MYO16: variants seen among roughly 807,000 people sequenced by gnomAD.
MYO16 encodes the protein unconventional myosin-XVI.
MYO16 carries 94 observed loss-of-function variants against 205.3 expected under a neutral mutation model. The ratio of observed to expected loss-of-function variants is 0.46; its 90% CI spans 0.39 to 0.54. The LOEUF (loss-of-function observed/expected upper bound fraction) is 0.54, where lower values mean the gene tolerates loss of function less well. Ranked by LOEUF, MYO16 falls within the 20% of genes least tolerant of loss-of-function variation. The pLI, the probability that MYO16 is intolerant of heterozygous loss-of-function variation, is 0.00. For synonymous variants in MYO16, 988 were observed against 954.0 expected (o/e 1.04, Z -0.66); for missense variants, 2,315 against 2,387.5 (o/e 0.97, Z 0.63).
the MYO16 span, among the ~76,000 whole-genome samples, chr13:108,506,522 C>A: frequency 3.4e-5 from 5 of 147,554 alleles, no homozygotes; most frequent in East Asian, 2.1e-4. Context: ...GATCCTGCAA[C>A]TTTAGTGATT....
At position 109,052,390 on chromosome 13, in the gene MYO16, G is replaced by A. The variant is rs770730585; in HGVS notation, c.2963G>A (p.Arg988Gln). 2.0e-5 allele frequency: 32 copies of A among 1,612,254 alleles called. No homozygotes were observed. In the Middle Eastern group the frequency reaches 4.9e-4, roughly 25 times the overall value. The change falls in exon 25 of 35, where the codon CGA (arginine) becomes CAA (glutamine). Residue 988 changes from arginine to glutamine, a missense_variant. Arg to Gln is a conservative substitution (Grantham distance 43). Coordinates refer to ENST00000457511, the MANE Select transcript of MYO16 (RefSeq NM_001198950.3). ...LVSAYPSFKFRGHKSALLSKK... is the reference protein window; with the variant it reads ...LVSAYPSFKFQGHKSALLSKK... ...TCTGCCTATCCTTCCTTTAAATTCCGAGGACATAAGTCTGCCCTGCTCAGT... is the reference window on the plus strand; with the variant it reads ...TCTGCCTATCCTTCCTTTAAATTCCAAGGACATAAGTCTGCCCTGCTCAGT...
the MYO16 span, among the ~76,000 whole-genome samples, chr13:108,506,229 GA>G: frequency 6.6e-6 from 1 of 152,000 alleles, no homozygotes; most frequent in African/African-American, 2.4e-5. Flanking sequence ...GGATTATGTT[GA>G]ATTTGTGTCT....
chr13:109,072,666 C>T (rs191689428), intron 27 of MYO16, among the ~76,000 whole-genome samples: 5 of 152,128 alleles, frequency 3.3e-5, no homozygotes, highest in African/African-American at 1.2e-4. Context: ...TGCCTCTCAA[C>T]CACGGCTGCT....
rs576805036 is a variant in MYO16 at position 109,019,233 on chromosome 13, C to T, written c.2596-478C>T. ...AGCTCAATGACCTGGCTGCGTTGGC[C>T]TCCCAAAGGGCTTGGATTATAGGCC... On this transcript the variant is annotated intron_variant, in intron 22 of 34. Transcript: ENST00000457511. Among the ~76,000 whole-genome samples the T allele has an allele frequency of 3.9e-3, 601 of 152,264 alleles. 2 individuals are homozygous for T. Among genetic ancestry groups the T allele is most frequent in the Non-Finnish European group, 7.2e-3 (492 of 68,018 alleles).
the MYO16 span, among the ~76,000 whole-genome samples, chr13:108,547,390 G>C: frequency 1.9e-4 from 29 of 152,242 alleles, no homozygotes; most frequent in Non-Finnish European, 3.5e-4. Flanking sequence ...GCTTTCGTGA[G>C]GTTGGGTGGG....
At chr13:108,724,674 G>C (rs1018698308) in intron 3 of MYO16, among the ~76,000 whole-genome samples, 1 of 151,984 alleles carries the variant, frequency 6.6e-6, no homozygotes, top group African/African-American at 2.4e-5. Flanking sequence ...GGTTGCTTTA[G>C]TATTTTTAGG....
chr13:108,746,111 T>G (rs1359471590), intron 4 of MYO16, among the ~76,000 whole-genome samples: 1 of 152,008 alleles, frequency 6.6e-6, no homozygotes, highest in Non-Finnish European at 1.5e-5. Flanking sequence ...GAGAATGGCA[T>G]GAACCCGGGA....
chr13:109,178,438 A>G (rs938802048), intron 33 of MYO16, among the ~76,000 whole-genome samples: 1 of 152,156 alleles, frequency 6.6e-6, no homozygotes, highest in African/African-American at 2.4e-5. Flanking sequence ...TCTCTCCTAT[A>G]ATTGGAAAAG....
chr13:109,200,783 C>T (rs1477233564), intron 34 of MYO16, among the ~76,000 whole-genome samples: 1 of 151,154 alleles, frequency 6.6e-6, no homozygotes. Context: ...TGCTATGCTT[C>T]TATAGAGTGA....
At chr13:108,679,445 T>G (rs1316682024) in intron 2 of MYO16, among the ~76,000 whole-genome samples, 1 of 152,176 alleles carries the variant, frequency 6.6e-6, no homozygotes, top group Non-Finnish European at 1.5e-5. Context: ...TTCCCTGGCT[T>G]CTAGAACAAC....
intron 2 of MYO16, 111 bp downstream of exon 2, chr13:108,666,260 AT>A: frequency 8.3e-7 from 1 of 1,200,012 alleles, no homozygotes; most frequent in Non-Finnish European, 1.1e-6. Context: ...CCTTTTAAAT[AT>A]TGGAGGCTAC....
intron 4 of MYO16, among the ~76,000 whole-genome samples, chr13:108,739,219 T>G (rs1412154502): frequency 1.3e-5 from 2 of 152,228 alleles, no homozygotes; most frequent in Non-Finnish European, 2.9e-5. Context: ...TGATGCAGTT[T>G]CTTCCTAGCA....
intron 28 of MYO16, among the ~76,000 whole-genome samples, chr13:109,102,480 GTGTATA>G: frequency 9.0e-6 from 1 of 110,858 alleles, no homozygotes; most frequent in African/African-American, 3.5e-5. Context: ...GTATATGTAT[GTGTATA>G]TATGTATATG....
the MYO16 span, among the ~76,000 whole-genome samples, chr13:108,519,097 A>G: frequency 6.6e-6 from 1 of 152,210 alleles, no homozygotes; most frequent in Non-Finnish European, 1.5e-5. Context: ...TATTATGTGG[A>G]TATTTCCATA....
chr13:109,061,883 A>G (rs1887604933), intron 27 of MYO16, among the ~76,000 whole-genome samples: 1 of 152,198 alleles, frequency 6.6e-6, no homozygotes. Context: ...CAATAATAGA[A>G]AAGTGCATTT....
intron 14 of MYO16, among the ~76,000 whole-genome samples, chr13:108,891,926 T>C (rs1386773913): frequency 6.6e-6 from 1 of 152,204 alleles, no homozygotes; most frequent in Non-Finnish European, 1.5e-5. Context: ...ATTTCTACCA[T>C]GGTGGCGGTT....
At chr13:108,993,268 G>A (rs1294222235) in intron 21 of MYO16, among the ~76,000 whole-genome samples, 1 of 152,082 alleles carries the variant, frequency 6.6e-6, no homozygotes, top group Non-Finnish European at 1.5e-5. Flanking sequence ...ACTTTTAGTA[G>A]CGTCGATTTC....
At chr13:109,045,951 A>T (rs1887027209) in intron 23 of MYO16, among the ~76,000 whole-genome samples, 1 of 151,550 alleles carries the variant, frequency 6.6e-6, no homozygotes, top group Non-Finnish European at 1.5e-5. Flanking sequence ...ATACTCCCGC[A>T]TGGCCGAGGC....
At chr13:108,972,870 G>T (rs1017302949) in intron 20 of MYO16, among the ~76,000 whole-genome samples, 6 of 151,610 alleles carry the variant, frequency 4.0e-5, no homozygotes, top group South Asian at 2.1e-4. Flanking sequence ...TTGTTTTTTG[G>T]TTTTTTTCTT....
Sources: gnomAD v4.1 joint callset for allele counts (sites outside exome capture counted in the v4.1 genomes callset) on GRCh38, gnomAD v4.1.1 for gene constraint, MANE v1.5 for transcripts, NCBI Gene and HGNC (gene_info 2026-07-23, HGNC 2026-07-21) for gene names.